Variants in UNC13A observed in about 807,000 individuals in gnomAD.
The protein encoded by UNC13A is unc-13 homolog A.
A neutral mutation model predicts 219.7 loss-of-function variants in UNC13A; 61 were observed. The ratio of observed to expected loss-of-function variants is 0.28; its 90% CI spans 0.23 to 0.34. The LOEUF (loss-of-function observed/expected upper bound fraction) is 0.34. UNC13A is among the 10% of genes least tolerant of loss of function. UNC13A has a pLI of 1.00. For synonymous variants in UNC13A, 920 were observed against 884.6 expected (o/e 1.04, Z -0.71); for missense variants, 1,476 against 2,270.3 (o/e 0.65, Z 7.11).
Position 17,626,709 on chromosome 19 carries a change from G to T in UNC13A, c.3997C>A (p.Pro1333Thr). 1 of 1,606,976 alleles carries T rather than the reference G, an allele frequency of 6.2e-7. No homozygotes were observed. Among genetic ancestry groups the T allele is most frequent in the Non-Finnish European group, 8.5e-7 (1 of 1,176,976 alleles). The change falls in exon 34 of 44, where the codon CCA becomes ACA. Residue 1333 changes from proline to threonine, a missense_variant. Pro to Thr is a conservative substitution (Grantham distance 38, BLOSUM62 -1). This residue lies in a region of UNC13A where 218 missense variants were observed against 409.4 expected (regional missense o/e 0.53). Transcript: ENST00000519716. ...LSQVKGTGNV[P>T]ASACSSVAQD... ...GCCACGCTGCTGCAGGCACTGGCTG[G>T]CACATTGCCTGTGCCCTTAACCTGG...
chr19:17,675,797 G>C (rs1200377242), intron 2 of UNC13A, among the ~76,000 whole-genome samples: 1 of 152,124 alleles, frequency 6.6e-6, no homozygotes, highest in Non-Finnish European at 1.5e-5. Context: ...GACTCTCCAA[G>C]GATGGCTGGG....
At chr19:17,639,689 C>A in intron 23 of UNC13A, 151 bp downstream of exon 23, 1 of 1,127,102 alleles carries the variant, frequency 8.9e-7, no homozygotes, top group Non-Finnish European at 1.3e-6. Flanking sequence ...CACATTACGG[C>A]AGGTAGTGCC....
chr19:17,640,298 C>T (rs1286255888), intron 22 of UNC13A, among the ~76,000 whole-genome samples: 1 of 152,188 alleles, frequency 6.6e-6, no homozygotes, highest in African/African-American at 2.4e-5. Flanking sequence ...CTCGGCCTCC[C>T]AAAGTGCTGG....
intron 28 of UNC13A, among the ~76,000 whole-genome samples, chr19:17,632,231 G>C (rs1213944066): frequency 6.6e-6 from 1 of 152,170 alleles, no homozygotes; most frequent in Non-Finnish European, 1.5e-5. Context: ...TTTTTGTAGA[G>C]CTGGGGTTTC....
At chr19:17,672,987 C>T (rs549094017) in intron 3 of UNC13A, among the ~76,000 whole-genome samples, 52 of 152,240 alleles carry the variant, frequency 3.4e-4, no homozygotes, top group African/African-American at 1.0e-3. Context: ...TATGTGAATT[C>T]GGGGGAGCAG....
At chr19:17,666,580 G>C in intron 7 of UNC13A, 70 bp downstream of exon 7, 1 of 1,234,250 alleles carries the variant, frequency 8.1e-7, no homozygotes, top group Non-Finnish European at 1.1e-6. Context: ...CCTTTAGACA[G>C]GACAGTCATG....
chr19:17,606,670 ACC>A (rs968123575), intron 43 of UNC13A, among the ~76,000 whole-genome samples: 42 of 148,334 alleles, frequency 2.8e-4, no homozygotes, highest in African/African-American at 9.6e-4. Flanking sequence ...CCATGCTCCC[ACC>A]CTGAGATACC....
At chr19:17,618,606 G>A (rs2076693719) in intron 39 of UNC13A, 105 bp from the exon 40 acceptor site, 1 of 1,198,520 alleles carries the variant, frequency 8.3e-7, no homozygotes, top group Non-Finnish European at 1.2e-6. Flanking sequence ...TGGGCTGAGG[G>A]TCTATGTTTT....
chr19:17,653,147 A>AAC (rs2079381360), intron 11 of UNC13A, among the ~76,000 whole-genome samples: 2 of 152,072 alleles, frequency 1.3e-5, no homozygotes, highest in Middle Eastern at 3.4e-3. Context: ...CCCTATGAGG[A>AAC]ACACAGGCAG....
intron 1 of UNC13A, among the ~76,000 whole-genome samples, chr19:17,686,519 C>T (rs1017145995): frequency 6.6e-6 from 1 of 151,904 alleles, no homozygotes; most frequent in African/African-American, 2.4e-5. Flanking sequence ...TTCAAGTTCT[C>T]CTCCCATTCC....
At position 17,659,081 on chromosome 19, in the gene UNC13A, A is replaced by G. The variant is rs1315994015; in HGVS notation, c.560-812T>C. Among the ~76,000 whole-genome samples the G allele has an allele frequency of 2.0e-5, 3 of 148,430 alleles. No homozygotes were observed. In the East Asian group the frequency reaches 5.8e-4, roughly 29 times the overall value. ...TTCTTTTCTGTACCTTCTGAAAAAAAAGATTTCAATAATGCAATCTTTTTA... is the reference window on the plus strand; with the variant it reads ...TTCTTTTCTGTACCTTCTGAAAAAAGAGATTTCAATAATGCAATCTTTTTA... On this transcript the variant is annotated intron_variant, in intron 8 of 43. Coordinates refer to ENST00000519716, the MANE Select transcript of UNC13A (RefSeq NM_001080421.3).
chr19:17,633,335 G>A (rs903726702), intron 26 of UNC13A, 142 bp from the exon 27 acceptor site: 2 of 674,842 alleles, frequency 3.0e-6, no homozygotes, highest in Middle Eastern at 2.7e-4. Context: ...ACTGCTGACT[G>A]ACTCTGCACT....
chr19:17,621,735 A>C (rs1246783110), intron 37 of UNC13A, 97 bp downstream of exon 37: 1 of 1,342,954 alleles, frequency 7.4e-7, no homozygotes. Flanking sequence ...CACGACCCCC[A>C]GCTGCCCTTC....
Position 17,627,735 on chromosome 19 carries a change from G to A in UNC13A, c.3831+128C>T, listed in dbSNP as rs2076798733. ...GCACAGACCGTTATGCTGCAAGCCTGGGTTTAAGGCCATGGTTGAGCTGGA... is the reference window on the plus strand; with the variant it reads ...GCACAGACCGTTATGCTGCAAGCCTAGGTTTAAGGCCATGGTTGAGCTGGA... On this transcript the variant is annotated intron_variant, in intron 32 of 43. Transcript: ENST00000519716. The surrounding 1 kb of genome is among the most constrained non-coding windows in gnomAD (Gnocchi z 4.7). The A allele has an allele frequency of 9.4e-6, 12 of 1,274,190 alleles. No homozygotes were observed. Among genetic ancestry groups the A allele is most frequent in the Non-Finnish European group, 8.8e-6 (8 of 907,224 alleles). 78.9% of individuals were successfully genotyped at this position (1,274,190 alleles called of 1,614,324 possible).
chr19:17,674,604 G>A lies in UNC13A; in HGVS notation c.152+53C>T, dbSNP rs760306470. ...TCCAGCTCTGCCCTGAGGGGCCAGC[G>A]AGGTGCTGGGCTATGCCAGGGAGTG... On this transcript the variant is annotated intron_variant, in intron 3 of 43. Transcript: ENST00000519716. This position sits in a 1 kb window ranked among gnomAD's most constrained non-coding sequence, Gnocchi z 5.0. The A allele has an allele frequency of 5.5e-5, 85 of 1,532,008 alleles. No individual in the cohort carries two copies. The highest frequency in any genetic ancestry group is 8.4e-5 in the Admixed American group (5 of 59,700). 94.9% of individuals were successfully genotyped at this position (1,532,008 alleles called of 1,614,324 possible). A position where few individuals can be genotyped will look rare whatever the true frequency, so the allele number is the denominator to read the frequency against.
intron 35 of UNC13A, among the ~76,000 whole-genome samples, chr19:17,623,913 G>A (rs1429404359): frequency 6.6e-6 from 1 of 152,040 alleles, no homozygotes; most frequent in Non-Finnish European, 1.5e-5. Flanking sequence ...AGAGATTATG[G>A]CCTCTGGTCT....
intron 43 of UNC13A, among the ~76,000 whole-genome samples, chr19:17,609,100 G>T (rs940740002): frequency 6.7e-6 from 1 of 149,656 alleles, no homozygotes; most frequent in Non-Finnish European, 1.5e-5. Context: ...TGGGATCACA[G>T]GCGTGCGCCA....
At position 17,648,987 on chromosome 19, in the gene UNC13A, G is replaced by A; in HGVS notation, c.1525-4C>T. The A allele has an allele frequency of 6.3e-7, 1 of 1,598,458 alleles. No homozygotes were observed. The highest frequency in any genetic ancestry group is 1.8e-5 in the Admixed American group (1 of 57,094). ...CTTTCCTGGACTGGACCAGGGACTG[G>A]GGAGGTCACAGAAGAGGGAGTCGGG... On this transcript the variant is annotated splice_polypyrimidine_tract_variant and splice_region_variant and intron_variant, in intron 14 of 43. Transcript: ENST00000519716.
intron 28 of UNC13A, among the ~76,000 whole-genome samples, chr19:17,631,922 T>C (rs1281658138): frequency 1.3e-5 from 2 of 152,104 alleles, no homozygotes; most frequent in Non-Finnish European, 2.9e-5. Context: ...TTTTTTTCTT[T>C]GTTTTTGAGA....
Sources: allele counts gnomAD v4.1 joint callset (sites outside exome capture counted in the v4.1 genomes callset), GRCh38; gene constraint gnomAD v4.1.1; regional missense constraint gnomAD v4.1.1; non-coding constraint Gnocchi (gnomAD v3.1); transcripts MANE v1.5; gene names NCBI Gene and HGNC (gene_info 2026-07-23, HGNC 2026-07-21).